The following CYS1 variants were observed in gnomAD, a reference collection of about 807,000 sequenced individuals.
CYS1 encodes the protein cystin-1.
CYS1 carries 5 observed loss-of-function variants against 9.6 expected under a neutral mutation model. The observed-to-expected ratio is 0.52, with a 90% CI of 0.27 to 1.10. CYS1 has a LOEUF of 1.10. Among genes scored for constraint, CYS1 ranks in the 50% least tolerant of loss-of-function variants. The pLI is 0.11. For missense variants in CYS1, 221 were observed against 207.9 expected, an observed-to-expected ratio of 1.06 and a Z score of -0.39; for synonymous variants, 88 against 95.7, an observed-to-expected ratio of 0.92 and a Z score of 0.47.
At chr2:10,075,125 A>AG in intron 1 of CYS1, among the ~76,000 whole-genome samples, 1 of 152,238 alleles carries the variant, frequency 6.6e-6, no homozygotes, top group East Asian at 1.9e-4. Flanking sequence ...AAAAAAAAAA[A>AG]AAATCGCTTC....
In CYS1 at chr2:10,058,802, C is replaced by T. The variant is rs1476350470; in HGVS notation, c.*51G>A. 14 of 1,468,820 alleles carry T rather than the reference C, an allele frequency of 9.5e-6. No individual in the cohort carries two copies. The highest frequency in any genetic ancestry group is 2.0e-5 in the Admixed American group (1 of 49,624). 91.0% of individuals were successfully genotyped at this position (1,468,820 alleles called of 1,614,324 possible). ...TAGAGCTCTGTGCAAGCAGAGGGTG[C>T]CCCAGCCAGCAGGTGCCTCCGAGGC... On this transcript the variant is annotated 3_prime_UTR_variant, in exon 3 of 3. Transcript: ENST00000381813.
rs1183559767 is a variant in CYS1 at position 10,076,178 on chromosome 2, AAAAAT to A, written c.318+3723_318+3727del. 6.6e-6 allele frequency among the ~76,000 whole-genome samples: 1 copy of A among 152,184 alleles called. No homozygotes were observed. The highest frequency in any genetic ancestry group is 1.5e-5 in the Non-Finnish European group (1 of 68,040). ...GGGCGACAGACCAAGATTCCATCTC[AAAAAT>A]AAAATAAAAATTAAAATTAAAATAC... On this transcript the variant is annotated intron_variant, in intron 1 of 2. Transcript: ENST00000381813. The surrounding 1 kb of genome is among the most constrained non-coding windows in gnomAD (Gnocchi z 4.3).
chr2:10,073,141 G>A lies in CYS1; in HGVS notation c.318+6765C>T, dbSNP rs1004114118. On this transcript the variant is annotated intron_variant, in intron 1 of 2. Transcript: ENST00000381813. ...GGCTCTGGGGGGCAGCGGTGCAGGTGGGCTCTGCGATGAGACCTGTCTTGC... is the reference window on the plus strand; with the variant it reads ...GGCTCTGGGGGGCAGCGGTGCAGGTAGGCTCTGCGATGAGACCTGTCTTGC... Among the ~76,000 whole-genome samples, 3 of 151,980 alleles carry A rather than the reference G, an allele frequency of 2.0e-5. No individual in the cohort carries two copies. The South Asian group carries it at 6.3e-4, about 32-fold the overall frequency.
intron 1 of CYS1, among the ~76,000 whole-genome samples, chr2:10,078,561 T>C (rs1661892354): frequency 6.6e-6 from 1 of 152,258 alleles, no homozygotes; most frequent in Non-Finnish European, 1.5e-5. Flanking sequence ...CAGAACTTGC[T>C]GCCTGGATCA....
intron 1 of CYS1, among the ~76,000 whole-genome samples, chr2:10,073,045 T>G (rs1211489471): frequency 7.4e-6 from 1 of 134,834 alleles, no homozygotes; most frequent in African/African-American, 2.9e-5. Context: ...AGAGCAGATG[T>G]GTGGGAGCAG....
intron 2 of CYS1, 29 bp downstream of exon 2, chr2:10,065,875 T>C (rs1661687588): frequency 6.2e-7 from 1 of 1,613,394 alleles, no homozygotes; most frequent in African/African-American, 1.3e-5. Flanking sequence ...CCGTGGCTTC[T>C]GGGAGAGATG....
At chr2:10,061,665 G>A (rs774115047) in intron 2 of CYS1, among the ~76,000 whole-genome samples, 7 of 152,206 alleles carry the variant, frequency 4.6e-5, no homozygotes, top group Non-Finnish European at 1.0e-4. Flanking sequence ...AGGGACTGGC[G>A]CAAGGGAAGC....
chr2:10,079,696 GC>G (rs1237913695), intron 1 of CYS1, among the ~76,000 whole-genome samples: 2 of 151,882 alleles, frequency 1.3e-5, no homozygotes, highest in Non-Finnish European at 2.9e-5. Flanking sequence ...CAGCGCGATC[GC>G]CCCCACGCCT....
chr2:10,063,634 T>C lies in CYS1; in HGVS notation c.371+2270A>G, dbSNP rs1661656381. On this transcript the variant is annotated intron_variant, in intron 2 of 2. Coordinates refer to ENST00000381813, the MANE Select transcript of CYS1 (RefSeq NM_001037160.3). This position sits in a 1 kb window ranked among gnomAD's most constrained non-coding sequence, Gnocchi z 4.2. ...TGAGGGTGACACTGGAGGGAGGAGA[T>C]TGAAGGGCGGGACACTGTTGCAGCC... Among the ~76,000 whole-genome samples, 1 of 151,962 alleles carries C rather than the reference T, an allele frequency of 6.6e-6. No homozygotes were observed. Among genetic ancestry groups the C allele is most frequent in the Non-Finnish European group, 1.5e-5 (1 of 67,988 alleles).
chr2:10,066,566 G>T (rs575524332), intron 1 of CYS1, among the ~76,000 whole-genome samples: 2 of 152,344 alleles, frequency 1.3e-5, no homozygotes, highest in South Asian at 4.1e-4. Flanking sequence ...TTGTCTACCC[G>T]TGCAGTGCCA....
At chr2:10,061,454 C>T (rs1226097231) in intron 2 of CYS1, among the ~76,000 whole-genome samples, 2 of 152,214 alleles carry the variant, frequency 1.3e-5, no homozygotes, top group East Asian at 3.8e-4. Context: ...GAATCCCAAG[C>T]AGCACTTCTG....
chr2:10,076,490 C>T lies in CYS1; in HGVS notation c.318+3416G>A, dbSNP rs140665070. Among the ~76,000 whole-genome samples the T allele has an allele frequency of 2.1e-4, 32 of 152,318 alleles. No individual in the cohort carries two copies. The highest frequency in any genetic ancestry group is 2.4e-4 in the Non-Finnish European group (16 of 68,036). Reference sequence around the variant, plus strand: ...TCCCACCACTCTCTGACCCATCTCTCACCAAGGACCTTGAGACCTCCCGAG... The same window carrying T: ...TCCCACCACTCTCTGACCCATCTCTTACCAAGGACCTTGAGACCTCCCGAG... On this transcript the variant is annotated intron_variant, in intron 1 of 2. Transcript: ENST00000381813. The surrounding 1 kb of genome is among the most constrained non-coding windows in gnomAD (Gnocchi z 4.3).
rs547799332 is a variant in CYS1, at chr2:10,076,867, G to A, written c.318+3039C>T. On this transcript the variant is annotated intron_variant, in intron 1 of 2. Coordinates refer to ENST00000381813, the MANE Select transcript of CYS1 (RefSeq NM_001037160.3). This position sits in a 1 kb window ranked among gnomAD's most constrained non-coding sequence, Gnocchi z 4.3. ...TCCCATGTTCTAATGGCTTCTAAAC[G>A]AACTCCAAACCTGACCTCTCCCCTG... is the stretch of plus-strand genomic sequence containing the variant. Among the ~76,000 whole-genome samples the A allele has an allele frequency of 3.0e-3, 454 of 152,100 alleles. 2 individuals are homozygous for A. Among genetic ancestry groups the A allele is most frequent in the African/African-American group, 0.01 (422 of 41,468 alleles).
chr2:10,069,493 C>T (rs1027955151), intron 1 of CYS1, among the ~76,000 whole-genome samples: 1 of 152,006 alleles, frequency 6.6e-6, no homozygotes, highest in Non-Finnish European at 1.5e-5. Context: ...CTCAGACTCC[C>T]GAGTAGCTGG....
intron 1 of CYS1, among the ~76,000 whole-genome samples, chr2:10,078,782 C>G (rs756314520): frequency 8.5e-5 from 13 of 152,226 alleles, no homozygotes; most frequent in Non-Finnish European, 1.9e-4. Flanking sequence ...CACAGCGGGA[C>G]CGGTGCTCAA....
chr2:10,062,391 CTCTTTTTT>C (rs1290310837), intron 2 of CYS1, among the ~76,000 whole-genome samples: 1 of 151,614 alleles, frequency 6.6e-6, no homozygotes. Context: ...CTAGAATTTT[CTCTTTTTT>C]TCTTTTTTTT....
At chr2:10,073,950 AGAGCCTCT>A (rs1052300651) in intron 1 of CYS1, among the ~76,000 whole-genome samples, 17 of 152,292 alleles carry the variant, frequency 1.1e-4, no homozygotes, top group African/African-American at 3.6e-4. Context: ...ATGAAGGGAG[AGAGCCTCT>A]GAGGCTGCCC....
rs919271535 is a variant in CYS1 at position 10,057,705 on chromosome 2, G to GCCTGCCT, written c.*1141_*1147dup. ...GCAGGCTGCTGGGGAGGAGCCTGCC[G>GCCTGCCT]CCTGCCTCCTGCCTCCCTAGACCGC... On this transcript the variant is annotated 3_prime_UTR_variant, in exon 3 of 3. Transcript: ENST00000381813. 1.3e-5 allele frequency: 2 copies of GCCTGCCT among 152,530 alleles called. No individual in the cohort carries two copies. The highest frequency in any genetic ancestry group is 2.9e-5 in the Non-Finnish European group (2 of 68,478). 9.4% of individuals were successfully genotyped at this position (152,530 alleles called of 1,614,324 possible).
rs914504534 is a variant in CYS1, at chr2:10,057,062, G to A, written c.*1791C>T. ...TATTACACCTTTTCCACCAGAAAAT[G>A]CAGAGGTATCATCTTTCTTGGAAAC... On this transcript the variant is annotated 3_prime_UTR_variant, in exon 3 of 3. Coordinates refer to ENST00000381813, the MANE Select transcript of CYS1 (RefSeq NM_001037160.3). 6.6e-6 allele frequency: 1 copy of A among 152,220 alleles called. No homozygotes were observed. 9.4% of individuals were successfully genotyped at this position (152,220 alleles called of 1,614,324 possible).
Sources: allele counts gnomAD v4.1 joint callset (sites outside exome capture counted in the v4.1 genomes callset), GRCh38; gene constraint gnomAD v4.1.1; non-coding constraint Gnocchi (gnomAD v3.1); transcripts MANE v1.5; gene names NCBI Gene and HGNC (gene_info 2026-07-23, HGNC 2026-07-21).